Variants in CCDC144A observed in about 807,000 individuals in gnomAD.
The protein encoded by CCDC144A is coiled-coil domain containing 144A, also known as coiled-coil domain-containing protein 144A.
In CCDC144A, 41 loss-of-function variants were observed where a neutral mutation model predicts 143.8. That is an observed-to-expected ratio of 0.29 (90% CI 0.22 to 0.37). The LOEUF is 0.37. CCDC144A is among the 10% of genes least tolerant of loss of function. CCDC144A has a pLI of 1.00. For missense variants in CCDC144A, 637 were observed against 1,488.8 expected (o/e 0.43, Z 9.41); for synonymous variants, 242 against 517.9 (o/e 0.47, Z 7.23).
At chr17:16,672,453 C>A in the CCDC144A span, among the ~76,000 whole-genome samples, 1 of 151,544 alleles carries the variant, frequency 6.6e-6, no homozygotes, top group Non-Finnish European at 1.5e-5. Flanking sequence ...CTCAAAAAAA[C>A]AAAAACAAAA....
chr17:16,738,693 T>C (rs530804891), intron 12 of CCDC144A, among the ~76,000 whole-genome samples: 1 of 152,362 alleles, frequency 6.6e-6, no homozygotes, highest in East Asian at 1.9e-4. Flanking sequence ...CATTCATCCG[T>C]TGATGGACCT....
At chr17:16,747,514 C>T (rs1397241054) in intron 12 of CCDC144A, among the ~76,000 whole-genome samples, 1 of 152,102 alleles carries the variant, frequency 6.6e-6, no homozygotes, top group Non-Finnish European at 1.5e-5. Flanking sequence ...GGCAGTATGG[C>T]CATTTTAATG....
the CCDC144A span, among the ~76,000 whole-genome samples, chr17:16,680,281 T>C: frequency 1.3e-5 from 2 of 151,846 alleles, no homozygotes; most frequent in African/African-American, 2.4e-5. Flanking sequence ...TTACAAAAAT[T>C]GGCCAGGCAT....
Position 16,745,257 on chromosome 17 carries a change from G to T in CCDC144A, c.3372+9614G>T, listed in dbSNP as rs543742073. Among the ~76,000 whole-genome samples, 41 of 149,864 alleles carry T rather than the reference G, an allele frequency of 2.7e-4. 1 individual carries two copies. The highest frequency in any genetic ancestry group is 9.8e-4 in the East Asian group (5 of 5,080). ...ACTGACAGCTCCTCTGCTTACAAACGAATGAAACCCAAAGTGGATGTCGTT... is the reference window on the plus strand; with the variant it reads ...ACTGACAGCTCCTCTGCTTACAAACTAATGAAACCCAAAGTGGATGTCGTT... On this transcript the variant is annotated intron_variant, in intron 12 of 16. Transcript: ENST00000399273.
Position 16,745,667 on chromosome 17 carries a change from C to T in CCDC144A, c.3372+10024C>T, listed in dbSNP as rs868637492. On this transcript the variant is annotated intron_variant, in intron 12 of 16. Transcript: ENST00000399273. The stretch of plus-strand genomic sequence containing the variant: ...CTTCCCTCTTCTCAGGACCAGTCCC[C>T]GAACCTTCTGCCTTGCAGATCCTCC... 74 of 1,608,258 alleles carry T rather than the reference C, an allele frequency of 4.6e-5. 2 individuals carry two copies. The Middle Eastern group carries it at 5.2e-3, about 112-fold the overall frequency.
intron 12 of CCDC144A, among the ~76,000 whole-genome samples, chr17:16,738,193 TAC>T (rs1914107625): frequency 1.3e-5 from 2 of 149,356 alleles, no homozygotes; most frequent in African/African-American, 2.5e-5. Flanking sequence ...ATTTACAAAC[TAC>T]TTGAAATGTT....
At position 16,709,633 on chromosome 17, in the gene CCDC144A, G is replaced by C; in HGVS notation, c.1576G>C (p.Asp526His). Residue 526 changes from aspartate to histidine, a missense_variant and splice_region_variant, in exon 5 of 17, where the codon GAT becomes CAT. Transcript: ENST00000399273. ...LKKEDVQLHKDVEEEMEKHRS... is the reference protein window; with the variant it reads ...LKKEDVQLHKHVEEEMEKHRS... Reference sequence around the variant, plus strand: ...GAAAGAAGATGTTCAACTTCATAAAGATGTAGGGTTTTACTTGCTGCCACT... The same window carrying C: ...GAAAGAAGATGTTCAACTTCATAAACATGTAGGGTTTTACTTGCTGCCACT... The C allele has an allele frequency of 6.2e-7, 1 of 1,611,094 alleles. No homozygotes were observed. The highest frequency in any genetic ancestry group is 1.3e-5 in the African/African-American group (1 of 74,932).
intron 2 of CCDC144A, among the ~76,000 whole-genome samples, chr17:16,698,239 T>G (rs1414990685): frequency 6.6e-6 from 1 of 152,128 alleles, no homozygotes; most frequent in Non-Finnish European, 1.5e-5. Flanking sequence ...GAGCCGTGGC[T>G]AAAGAAAAAG....
At chr17:16,770,227 G>A (rs1915773529) in intron 15 of CCDC144A, among the ~76,000 whole-genome samples, 2 of 151,980 alleles carry the variant, frequency 1.3e-5, no homozygotes, top group African/African-American at 4.8e-5. Flanking sequence ...TCAGCTCACT[G>A]CAAGCTCCGC....
chr17:16,769,726 A>C, intron 15 of CCDC144A, among the ~76,000 whole-genome samples: 1 of 151,952 alleles, frequency 6.6e-6, no homozygotes, highest in Non-Finnish European at 1.5e-5. Flanking sequence ...TTGTTCTTTA[A>C]ATTTGATTCA....
chr17:16,703,802 CAAAAAACAAACAAACGAACA>C (rs1250745513), intron 2 of CCDC144A, among the ~76,000 whole-genome samples: 6 of 152,014 alleles, frequency 3.9e-5, no homozygotes, highest in Non-Finnish European at 8.8e-5. Context: ...GACTCCATCT[CAAAAAACAAACAAACGAACA>C]AAAAAACACA....
chr17:16,770,524 G>A (rs1417420632), intron 15 of CCDC144A, among the ~76,000 whole-genome samples: 1 of 152,074 alleles, frequency 6.6e-6, no homozygotes, highest in Non-Finnish European at 1.5e-5. Flanking sequence ...TCCAGGCTCA[G>A]TGAAAGATCT....
chr17:16,687,206 CTTTT>C, upstream of CCDC144A, among the ~76,000 whole-genome samples: 1 of 151,992 alleles, frequency 6.6e-6, no homozygotes, highest in Non-Finnish European at 1.5e-5. Context: ...TCTGAAGATC[CTTTT>C]TTTATGTATA....
intron 16 of CCDC144A, 117 bp from the exon 17 acceptor site, chr17:16,773,380 C>T: frequency 7.3e-7 from 1 of 1,361,444 alleles, no homozygotes; most frequent in Non-Finnish European, 9.7e-7. Context: ...CCTGGGAGGA[C>T]AAGACTGCAG....
At chr17:16,758,659 C>G (rs1392534252) in intron 12 of CCDC144A, among the ~76,000 whole-genome samples, 1 of 152,194 alleles carries the variant, frequency 6.6e-6, no homozygotes, top group Non-Finnish European at 1.5e-5. Context: ...TTTTGTGGTA[C>G]CTTCTTGGCT....
At chr17:16,755,511 T>G (rs1399605037) in intron 12 of CCDC144A, among the ~76,000 whole-genome samples, 1 of 152,214 alleles carries the variant, frequency 6.6e-6, no homozygotes, top group Non-Finnish European at 1.5e-5. Context: ...CTAGTGGTGA[T>G]GCATTCCTTC....
chr17:16,699,087 A>T (rs1279351540), intron 2 of CCDC144A, among the ~76,000 whole-genome samples: 1 of 151,950 alleles, frequency 6.6e-6, no homozygotes, highest in Non-Finnish European at 1.5e-5. Context: ...GCACTTCTTT[A>T]TATCTGCACC....
intron 12 of CCDC144A, chr17:16,745,537 A>G (rs1259240446): frequency 3.1e-6 from 4 of 1,275,608 alleles, no homozygotes; most frequent in Middle Eastern, 2.6e-4. Flanking sequence ...TTTCCTGGTA[A>G]GGAATAAGTT....
chr17:16,681,906 T>A, the CCDC144A span, among the ~76,000 whole-genome samples: 1 of 149,980 alleles, frequency 6.7e-6, no homozygotes, highest in Non-Finnish European at 1.5e-5. Flanking sequence ...TTCTAAAAAA[T>A]TGCATACTGT....
Sources: allele counts gnomAD v4.1 joint callset (sites outside exome capture counted in the v4.1 genomes callset), GRCh38; gene constraint gnomAD v4.1.1; transcripts MANE v1.5; gene names NCBI Gene and HGNC (gene_info 2026-07-23, HGNC 2026-07-21).